Variants in DNAAF9 observed in about 807,000 individuals in gnomAD.
DNAAF9 encodes shulin.
DNAAF9 carries 90 observed loss-of-function variants against 167.0 expected under a neutral mutation model. That is an observed-to-expected ratio of 0.54 (90% CI 0.45 to 0.64). DNAAF9 has a LOEUF of 0.64. Among genes scored for constraint, DNAAF9 ranks in the 30% least tolerant of loss-of-function variants. DNAAF9 has a pLI of 0.00. For synonymous variants in DNAAF9, 491 were observed against 508.8 expected (o/e 0.96, Z 0.47); for missense variants, 1,315 against 1,442.2 (o/e 0.91, Z 1.43).
intron 1 of DNAAF9, among the ~76,000 whole-genome samples, chr20:3,383,801 CTT>C (rs11464653): frequency 2.1e-5 from 3 of 141,214 alleles, no homozygotes; most frequent in African/African-American, 2.6e-5. Flanking sequence ...CCACTGGATT[CTT>C]TTTTTTTTTT....
At chr20:3,337,287 G>A (rs775024360) in intron 10 of DNAAF9, among the ~76,000 whole-genome samples, 13 of 147,614 alleles carry the variant, frequency 8.8e-5, no homozygotes, top group African/African-American at 2.5e-5. Flanking sequence ...TTTTTGAGAC[G>A]GAGTCTTGCT....
intron 29 of DNAAF9, among the ~76,000 whole-genome samples, chr20:3,276,369 C>T (rs1034726271): frequency 1.3e-5 from 2 of 152,108 alleles, no homozygotes; most frequent in East Asian, 1.9e-4. Context: ...GGAGGAGTTC[C>T]GAAAACAGCA....
At chr20:3,392,619 T>C (rs2083842063) in intron 1 of DNAAF9, among the ~76,000 whole-genome samples, 1 of 152,232 alleles carries the variant, frequency 6.6e-6, no homozygotes, top group African/African-American at 2.4e-5. Flanking sequence ...ATCTCTGTTC[T>C]TCCCATCTTA....
At chr20:3,319,125 T>C (rs1600774669) in intron 16 of DNAAF9, among the ~76,000 whole-genome samples, 1 of 135,084 alleles carries the variant, frequency 7.4e-6, no homozygotes. Flanking sequence ...TAGCCAGGCA[T>C]GGTGGCGTCT....
intron 36 of DNAAF9, among the ~76,000 whole-genome samples, 171 bp downstream of exon 36, chr20:3,253,555 G>T (rs529085037): frequency 6.6e-5 from 10 of 152,296 alleles, no homozygotes; most frequent in Middle Eastern, 3.4e-3. Context: ...GAAATGAAAA[G>T]TTCGCCCCTG....
intron 31 of DNAAF9, 126 bp downstream of exon 31, chr20:3,264,312 C>G (rs1415358895): frequency 4.8e-6 from 3 of 626,168 alleles, no homozygotes; most frequent in Non-Finnish European, 5.8e-6. Flanking sequence ...GCCGTGCCAG[C>G]TGCCATGTGT....
chr20:3,334,804 A>C (rs1335949812), intron 10 of DNAAF9, among the ~76,000 whole-genome samples: 1 of 152,200 alleles, frequency 6.6e-6, no homozygotes, highest in Non-Finnish European at 1.5e-5. Flanking sequence ...GCTGGCTCTC[A>C]AGTCAGCCCC....
chr20:3,389,127 C>A (rs1195883296), intron 1 of DNAAF9, among the ~76,000 whole-genome samples: 1 of 151,946 alleles, frequency 6.6e-6, no homozygotes, highest in African/African-American at 2.4e-5. Flanking sequence ...CGCCACCCAA[C>A]CCAGCTAATT....
chr20:3,337,744 A>G (rs1018362199), intron 10 of DNAAF9, among the ~76,000 whole-genome samples: 5 of 151,800 alleles, frequency 3.3e-5, no homozygotes, highest in African/African-American at 4.8e-5. Flanking sequence ...CTTTGTGTGT[A>G]GTGCATAAAC....
At chr20:3,361,047 A>G (rs1324629437) in intron 6 of DNAAF9, among the ~76,000 whole-genome samples, 1 of 152,196 alleles carries the variant, frequency 6.6e-6, no homozygotes, top group Non-Finnish European at 1.5e-5. Context: ...TGGAGAGTGA[A>G]TAAGTATGGT....
intron 14 of DNAAF9, among the ~76,000 whole-genome samples, chr20:3,324,613 C>T (rs1388729359): frequency 2.0e-5 from 3 of 152,170 alleles, no homozygotes; most frequent in Admixed American, 6.5e-5. Context: ...CCTTTCTAGC[C>T]TTGGAACCCA....
intron 33 of DNAAF9, among the ~76,000 whole-genome samples, chr20:3,256,710 C>CT (rs1422846684): frequency 6.6e-6 from 1 of 152,182 alleles, no homozygotes. Context: ...TTGAAAGTCT[C>CT]TAAGACCCTG....
chr20:3,306,432 T>C (rs1247915633), intron 20 of DNAAF9, among the ~76,000 whole-genome samples: 1 of 152,148 alleles, frequency 6.6e-6, no homozygotes, highest in African/African-American at 2.4e-5. Context: ...TGGGAACAGG[T>C]TTCACGCAGT....
intron 24 of DNAAF9, 62 bp from the exon 25 acceptor site, chr20:3,294,318 C>CA: frequency 8.8e-7 from 1 of 1,135,092 alleles, no homozygotes; most frequent in Non-Finnish European, 1.3e-6. Context: ...GGTGCCTACT[C>CA]ACATGAAAAA....
rs2084061279 is a variant in DNAAF9, at chr20:3,406,698, GTC to G, written c.83+775_83+776del. ...CCATACTGAGGTAGCTTGGGACTGT[GTC>G]TCTACGGTAAGGGGCCTGGCGTCCG... On this transcript the variant is annotated intron_variant, in intron 1 of 36. Coordinates refer to ENST00000252032, the MANE Select transcript of DNAAF9 (RefSeq NM_001009984.3). 2.0e-5 allele frequency among the ~76,000 whole-genome samples: 3 copies of G among 152,182 alleles called. No individual in the cohort carries two copies. In the South Asian group the frequency reaches 6.2e-4, roughly 32 times the overall value.
intron 1 of DNAAF9, among the ~76,000 whole-genome samples, chr20:3,388,710 C>T (rs952352808): frequency 1.3e-5 from 2 of 152,080 alleles, no homozygotes; most frequent in Non-Finnish European, 2.9e-5. Context: ...CTGTATGATT[C>T]TACTTTTTTA....
intron 14 of DNAAF9, 62 bp from the exon 15 acceptor site, chr20:3,322,758 C>A: frequency 8.4e-7 from 1 of 1,189,382 alleles, no homozygotes; most frequent in South Asian, 1.2e-5. Flanking sequence ...GATACCTGTG[C>A]AGGGTACCTG....
intron 34 of DNAAF9, among the ~76,000 whole-genome samples, chr20:3,255,797 A>C (rs1472127507): frequency 6.6e-6 from 1 of 152,166 alleles, no homozygotes; most frequent in Non-Finnish European, 1.5e-5. Flanking sequence ...CTGGCTCACA[A>C]AGCAAACAAC....
Position 3,294,232 on chromosome 20 carries a change from G to A in DNAAF9, c.2145C>T (p.Ser715=), listed in dbSNP as rs1194750350. The A allele has an allele frequency of 1.2e-6, 2 of 1,611,528 alleles. No homozygotes were observed. Among genetic ancestry groups the A allele is most frequent in the Non-Finnish European group, 1.7e-6 (2 of 1,177,820 alleles). ...GCATCACAGGCTCCTGGCTAATGCT[G>A]CTGATGGCGAAATGCTGGAGAAACC... is the stretch of plus-strand genomic sequence containing the variant. ...LDWFLQHFAI[S]SISQEPVMRT... The change falls in exon 25 of 37, where the codon AGC becomes AGT. Residue 715 remains serine, a synonymous_variant. Coordinates refer to ENST00000252032, the MANE Select transcript of DNAAF9 (RefSeq NM_001009984.3).
Sources: gnomAD v4.1 joint callset for allele counts (sites outside exome capture counted in the v4.1 genomes callset) on GRCh38, gnomAD v4.1.1 for gene constraint, MANE v1.5 for transcripts, NCBI Gene and HGNC (gene_info 2026-07-23, HGNC 2026-07-21) for gene names.